CDCA5: variants seen among roughly 807,000 people sequenced by gnomAD.
The protein encoded by CDCA5 is sororin.
Under a neutral mutation model 25.7 loss-of-function variants are expected in CDCA5, and 14 were observed. That is an observed-to-expected ratio of 0.54 (90% confidence interval 0.36 to 0.85). CDCA5 has a LOEUF of 0.85. Ranked by LOEUF, CDCA5 falls within the 40% of genes least tolerant of loss-of-function variation. CDCA5 has a pLI of 0.01. For missense variants in CDCA5, 307 were observed against 324.5 expected (o/e 0.95, Z 0.41); for synonymous variants, 127 against 128.7 (o/e 0.99, Z 0.09).
At chr11:65,077,387 C>T (rs1013301163), downstream of CDCA5, 3 of 845,708 alleles carry the variant, frequency 3.5e-6, no homozygotes, top group African/African-American at 3.7e-5. Context: ...CCCAGTGATG[C>T]AGCCCACTGG....
chr11:65,068,681 G>C (rs905314683), intron 1 of CDCA5: 20 of 864,170 alleles, frequency 2.3e-5, no homozygotes, highest in Non-Finnish European at 2.8e-5. Context: ...GGTTTTTAGG[G>C]GGCGGCTTCC....
chr11:65,078,090 G>GC lies in CDCA5; in HGVS notation c.*1016dup. 1.0e-6 allele frequency: 1 copy of GC among 985,392 alleles called. No individual in the cohort carries two copies. Among genetic ancestry groups the GC allele is most frequent in the Non-Finnish European group, 1.2e-6 (1 of 829,958 alleles). The allele number at this position is 985,392 out of a possible 1,614,324, so 61.0% of individuals were successfully genotyped here. On this transcript the variant is annotated 3_prime_UTR_variant, in exon 6 of 6. Coordinates refer to ENST00000275517, the MANE Select transcript of CDCA5 (RefSeq NM_080668.4). ...AGGCCAAAAACTAAAATTGCTATCAGCCCCCGCCGCTGTCTGGTACGCGAG... is the reference window on the plus strand; with the variant it reads ...AGGCCAAAAACTAAAATTGCTATCAGCCCCCCGCCGCTGTCTGGTACGCGAG...
chr11:65,064,621 G>A (rs1449880992), downstream of CDCA5, among the ~76,000 whole-genome samples: 1 of 152,028 alleles, frequency 6.6e-6, no homozygotes, highest in Non-Finnish European at 1.5e-5. Context: ...TGTACAGCAG[G>A]GCCCCTGGTC....
intron 4 of CDCA5, among the ~76,000 whole-genome samples, chr11:65,082,474 T>C (rs1461190887): frequency 1.3e-5 from 2 of 149,520 alleles, no homozygotes; most frequent in African/African-American, 2.5e-5. Context: ...TTTTTTTTTT[T>C]TTTTTTGAGA....
At chr11:65,083,575 C>T in intron 2 of CDCA5, 25 bp from the exon 3 acceptor site, 3 of 1,614,158 alleles carry the variant, frequency 1.9e-6, no homozygotes, top group Non-Finnish European at 2.5e-6. Context: ...TGAACGTGAG[C>T]TCAACATTAG....
Position 65,078,599 on chromosome 11 carries a change from G to A in CDCA5, c.*508C>T. The A allele has an allele frequency of 1.0e-6, 1 of 986,382 alleles. No homozygotes were observed. Among genetic ancestry groups the A allele is most frequent in the Non-Finnish European group, 1.2e-6 (1 of 830,648 alleles). The allele number at this position is 986,382 out of a possible 1,614,324, so 61.1% of individuals were successfully genotyped here. A position where few individuals can be genotyped will look rare whatever the true frequency, so the allele number is the denominator to read the frequency against. On this transcript the variant is annotated 3_prime_UTR_variant, in exon 6 of 6. Transcript: ENST00000275517. ...CGAATTCTCTCTGGGACTATTTACAGAATCAAAGGGGAAACCCACGGAACT... is the reference window on the plus strand; with the variant it reads ...CGAATTCTCTCTGGGACTATTTACAAAATCAAAGGGGAAACCCACGGAACT...
At chr11:65,081,974 A>G (rs751262199) in intron 4 of CDCA5, among the ~76,000 whole-genome samples, 12 of 152,230 alleles carry the variant, frequency 7.9e-5, no homozygotes, top group Non-Finnish European at 1.5e-4. Context: ...GGTAAGGCCT[A>G]AGAGAATTAC....
At chr11:65,079,285 A>C in intron 5 of CDCA5, 68 bp downstream of exon 5, 1 of 1,611,560 alleles carries the variant, frequency 6.2e-7, no homozygotes, top group Non-Finnish European at 8.5e-7. Context: ...CCCCCAAAAG[A>C]GCCAGAGCCC....
chr11:65,082,004 A>G (rs1367568733), intron 4 of CDCA5, among the ~76,000 whole-genome samples: 1 of 152,194 alleles, frequency 6.6e-6, no homozygotes, highest in African/African-American at 2.4e-5. Context: ...TGTGACAGCA[A>G]TAGGGTAAGG....
rs1217350093 is a variant in CDCA5 at position 65,077,933 on chromosome 11, GGA to G, written c.*1172_*1173del. On this transcript the variant is annotated 3_prime_UTR_variant, in exon 6 of 6. Transcript: ENST00000275517. Reference sequence around the variant, plus strand: ...AGGTACAATGGCCAGGGGTGCGGCAGGAGAGTCGGGGGCAGGGCAGCCTTCAA... The same window carrying G: ...AGGTACAATGGCCAGGGGTGCGGCAGGAGTCGGGGGCAGGGCAGCCTTCAA... 16 of 985,462 alleles carry G rather than the reference GGA, an allele frequency of 1.6e-5. No individual in the cohort carries two copies. The African/African-American group carries it at 2.8e-4, about 17-fold the overall frequency. 61.0% of individuals were successfully genotyped at this position (985,462 alleles called of 1,614,324 possible). A position where few individuals can be genotyped will look rare whatever the true frequency, so the allele number is the denominator to read the frequency against.
chr11:65,074,273 A>G (rs1243752780), downstream of CDCA5, among the ~76,000 whole-genome samples: 1 of 152,114 alleles, frequency 6.6e-6, no homozygotes, highest in Non-Finnish European at 1.5e-5. Context: ...GGGTTTCACC[A>G]TGTTGGCCAG....
At chr11:65,071,514 C>T (rs955010184) in intron 1 of CDCA5, among the ~76,000 whole-genome samples, 1 of 151,848 alleles carries the variant, frequency 6.6e-6, no homozygotes, top group African/African-American at 2.4e-5. Context: ...GGGGTTTCAC[C>T]ATGTTGGTCA....
At chr11:65,063,073 G>T (rs1229222838), downstream of CDCA5, among the ~76,000 whole-genome samples, 1 of 152,192 alleles carries the variant, frequency 6.6e-6, no homozygotes, top group Non-Finnish European at 1.5e-5. Context: ...TCTGTCCAAG[G>T]GGTGTTCAGA....
rs1947494248 is a variant in CDCA5 at position 65,078,705 on chromosome 11, G to A, written c.*402C>T. 1 of 1,008,418 alleles carries A rather than the reference G, an allele frequency of 9.9e-7. No individual in the cohort carries two copies. Among genetic ancestry groups the A allele is most frequent in the South Asian group, 4.7e-5 (1 of 21,496 alleles). The allele number at this position is 1,008,418 out of a possible 1,614,324, so 62.5% of individuals were successfully genotyped here. On this transcript the variant is annotated 3_prime_UTR_variant, in exon 6 of 6. Coordinates refer to ENST00000275517, the MANE Select transcript of CDCA5 (RefSeq NM_080668.4). ...CAGGAGGGAGAGGCCGAGGCTGGCA[G>A]AGCCCCTGGGCCTATTTCCAAGCAG...
chr11:65,067,088 G>A (rs1031417626), intron 4 of CDCA5, among the ~76,000 whole-genome samples: 2 of 152,252 alleles, frequency 1.3e-5, no homozygotes, highest in Admixed American at 6.5e-5. Flanking sequence ...GGGACCGAGA[G>A]AGAGACTAAT....
At position 65,078,338 on chromosome 11, in the gene CDCA5, C is replaced by G. The variant is rs1947487504; in HGVS notation, c.*769G>C. 1.0e-6 allele frequency: 1 copy of G among 985,650 alleles called. No homozygotes were observed. Among genetic ancestry groups the G allele is most frequent in the East Asian group, 1.1e-4 (1 of 8,816 alleles). 61.1% of individuals were successfully genotyped at this position (985,650 alleles called of 1,614,324 possible). On this transcript the variant is annotated 3_prime_UTR_variant, in exon 6 of 6. Transcript: ENST00000275517. ...CCAGAGGCCATGAGCCACAGAAACT[C>G]ACAGCACCTGGTGGCCACACCCTGA...
Position 65,077,574 on chromosome 11 carries a change from C to T in CDCA5, c.*1533G>A. The stretch of plus-strand genomic sequence containing the variant: ...TGCAATGATGATCTCAACTCTGCAT[C>T]ATCTGGTGACTCCTGATTCTGCAGG... On this transcript the variant is annotated 3_prime_UTR_variant, in exon 6 of 6. Coordinates refer to ENST00000275517, the MANE Select transcript of CDCA5 (RefSeq NM_080668.4). The T allele has an allele frequency of 1.0e-6, 1 of 985,470 alleles. No individual in the cohort carries two copies. The highest frequency in any genetic ancestry group is 1.2e-6 in the Non-Finnish European group (1 of 829,940). The allele number at this position is 985,470 out of a possible 1,614,324, so 61.0% of individuals were successfully genotyped here.
downstream of CDCA5, among the ~76,000 whole-genome samples, chr11:65,066,073 G>A (rs1052751677): frequency 1.3e-5 from 2 of 152,016 alleles, no homozygotes; most frequent in Non-Finnish European, 2.9e-5. Context: ...TGGGAACATC[G>A]CCCTTGAGCT....
chr11:65,063,975 C>A (rs1327880536), downstream of CDCA5, among the ~76,000 whole-genome samples: 2 of 152,158 alleles, frequency 1.3e-5, no homozygotes, highest in African/African-American at 4.8e-5. Flanking sequence ...AGCTGCAGAA[C>A]CATGGCCAGG....
Sources: allele counts gnomAD v4.1 joint callset (sites outside exome capture counted in the v4.1 genomes callset), GRCh38; gene constraint gnomAD v4.1.1; transcripts MANE v1.5; gene names NCBI Gene and HGNC (gene_info 2026-07-23, HGNC 2026-07-21).